The following NXNL2 variants were observed in gnomAD, a reference collection of about 807,000 sequenced individuals.
The protein encoded by NXNL2 is nucleoredoxin like 2, also known as nucleoredoxin-like protein 2.
A neutral mutation model predicts 11.1 loss-of-function variants in NXNL2; 7 were observed. The observed-to-expected ratio is 0.63, with a 90% confidence interval of 0.36 to 1.18. The LOEUF (loss-of-function observed/expected upper bound fraction) is 1.18. Ranked by LOEUF, NXNL2 falls within the 50% of genes most tolerant of loss-of-function variation. The probability of loss-of-function intolerance (pLI) is 0.02; values close to 1 mark genes in which losing one functional copy is unlikely to be tolerated. For synonymous variants in NXNL2, 109 were observed against 101.8 expected, an observed-to-expected ratio of 1.07 and a Z score of -0.42; for missense variants, 233 against 217.7, an observed-to-expected ratio of 1.07 and a Z score of -0.44.
At chr9:88,577,307 G>GT (rs944680050), downstream of NXNL2, among the ~76,000 whole-genome samples, 6 of 151,792 alleles carry the variant, frequency 4.0e-5, 1 homozygote, top group African/African-American at 1.2e-4. Flanking sequence ...GGGCGGGGGG[G>GT]GCGGCATGAG....
chr9:88,539,026 C>G (rs1006695608), intron 1 of NXNL2, among the ~76,000 whole-genome samples: 2 of 152,190 alleles, frequency 1.3e-5, no homozygotes, highest in African/African-American at 4.8e-5. Flanking sequence ...CCCGTGCTGT[C>G]AGGGGCACCA....
At chr9:88,539,919 G>T (rs1829713049) in intron 1 of NXNL2, 1 of 152,142 alleles carries the variant, frequency 6.6e-6, no homozygotes, top group Non-Finnish European at 1.5e-5. Flanking sequence ...CTGACCTCAG[G>T]TGATGCACCC....
downstream of NXNL2, among the ~76,000 whole-genome samples, chr9:88,579,735 C>T (rs28485498): frequency 1.7e-4 from 26 of 152,096 alleles, no homozygotes; most frequent in Middle Eastern, 3.2e-3. Flanking sequence ...AATGAAAACC[C>T]GGGGTGAGAG....
rs754269531 is a variant in NXNL2 at position 88,544,520 on chromosome 9, C to T, written c.444C>T (p.Ala148=). The T allele has an allele frequency of 3.4e-5, 53 of 1,544,066 alleles. No individual in the cohort carries two copies. The highest frequency in any genetic ancestry group is 4.3e-5 in the Non-Finnish European group (49 of 1,143,110). The change falls in exon 2 of 2, where the codon GCC becomes GCT. Residue 148 remains alanine (A), a synonymous_variant. Transcript: ENST00000375854. ...GCTTCCAGGACTGGGTGGAGGCGGC[C>T]GATATCTTCCAGAATTTCTCCGTTT... ...LACFQDWVEA[A]DIFQNFSV
Position 88,535,178 on chromosome 9 carries a change from A to G in NXNL2, c.-257A>G, listed in dbSNP as rs199850250. ...AGGTTGCCTGGCTGGCCCCGCTCCCAGAGGCGGGTGCCGCGCTGTCGCCCA... is the reference window on the plus strand; with the variant it reads ...AGGTTGCCTGGCTGGCCCCGCTCCCGGAGGCGGGTGCCGCGCTGTCGCCCA... On this transcript the variant is annotated 5_prime_UTR_variant, in exon 1 of 2. Coordinates refer to ENST00000375854, the MANE Select transcript of NXNL2 (RefSeq NM_001161625.2). The G allele has an allele frequency of 6.8e-4, 356 of 519,960 alleles. 2 individuals carry two copies. The highest frequency in any genetic ancestry group is 6.7e-3 in the African/African-American group (331 of 49,268). The allele number at this position is 519,960 out of a possible 1,614,324, so 32.2% of individuals were successfully genotyped here.
At chr9:88,561,305 C>T (rs1830082378) in intron 1 of NXNL2, among the ~76,000 whole-genome samples, 1 of 152,158 alleles carries the variant, frequency 6.6e-6, no homozygotes, top group African/African-American at 2.4e-5. Flanking sequence ...AGTTTAGGGA[C>T]CCGGACTGGC....
rs200212505 is a variant in NXNL2 at position 88,571,087 on chromosome 9, AC to A, written c.304del (p.Arg102GlyfsTer14). The A allele has an allele frequency of 2.7e-3, 1,117 of 413,338 alleles. 14 individuals are homozygous for A. The highest frequency in any genetic ancestry group is 1.9e-3 in the Non-Finnish European group (396 of 213,378). The allele number at this position is 413,338 out of a possible 1,614,324, so 25.6% of individuals were successfully genotyped here. Reference sequence around the variant, plus strand: ...CTTTCTTTTCTTTTTTTTTTTTCAGACGGAGTCTCGCTCTGTTGCCCAGGCT... The same window carrying A: ...CTTTCTTTTCTTTTTTTTTTTTCAGAGGAGTCTCGCTCTGTTGCCCAGGCT... On this transcript the variant is annotated frameshift_variant and splice_region_variant, in exon 2 of 3. Transcript: ENST00000375855. LOFTEE classifies it high-confidence loss of function.
intron 1 of NXNL2, among the ~76,000 whole-genome samples, chr9:88,565,473 C>A (rs58447161): frequency 0.033 from 5,017 of 152,248 alleles, 303 homozygotes; most frequent in African/African-American, 0.11. Flanking sequence ...TTTTGCATTG[C>A]CACCAACTGG....
At chr9:88,567,335 C>T (rs1830191146) in intron 1 of NXNL2, among the ~76,000 whole-genome samples, 1 of 152,126 alleles carries the variant, frequency 6.6e-6, no homozygotes, top group African/African-American at 2.4e-5. Flanking sequence ...GACAGGGTTT[C>T]ACCATGTTGG....
At chr9:88,538,554 G>A (rs1316555337) in intron 1 of NXNL2, among the ~76,000 whole-genome samples, 3 of 152,150 alleles carry the variant, frequency 2.0e-5, no homozygotes, top group East Asian at 1.9e-4. Flanking sequence ...GTCTCCTCAC[G>A]GTGGCAGAAT....
downstream of NXNL2, among the ~76,000 whole-genome samples, chr9:88,576,558 G>A (rs576172451): frequency 6.6e-6 from 1 of 152,306 alleles, no homozygotes; most frequent in East Asian, 1.9e-4. Flanking sequence ...CAGGTGACAA[G>A]GGAGACATGT....
Position 88,544,710 on chromosome 9 carries a change from T to TA in NXNL2, c.*165dup. 7.1e-7 allele frequency: 1 copy of TA among 1,402,198 alleles called. No homozygotes were observed. The highest frequency in any genetic ancestry group is 9.2e-7 in the Non-Finnish European group (1 of 1,081,712). The allele number at this position is 1,402,198 out of a possible 1,614,324, so 86.9% of individuals were successfully genotyped here. A position where few individuals can be genotyped will look rare whatever the true frequency, so the allele number is the denominator to read the frequency against. On this transcript the variant is annotated 3_prime_UTR_variant, in exon 2 of 2. Transcript: ENST00000375854. ...CAAAAAGCAACTATTGCTCAGGAAA[T>TA]AATACACTCCATATTTTGATCATGC...
At chr9:88,581,901 G>A (rs1422372077) in intron 1 of NXNL2, among the ~76,000 whole-genome samples, 1 of 152,184 alleles carries the variant, frequency 6.6e-6, no homozygotes, top group Non-Finnish European at 1.5e-5. Context: ...TTTTCAAGGT[G>A]AGCCTAACCA....
chr9:88,542,212 G>T (rs1398656313), intron 1 of NXNL2, among the ~76,000 whole-genome samples: 1 of 151,674 alleles, frequency 6.6e-6, no homozygotes, highest in African/African-American at 2.4e-5. Context: ...CAGCCTGGGC[G>T]ACAGAGCAAG....
chr9:88,544,090 G>T (rs1829811716), intron 1 of NXNL2, among the ~76,000 whole-genome samples: 1 of 152,218 alleles, frequency 6.6e-6, no homozygotes, highest in African/African-American at 2.4e-5. Flanking sequence ...AGAATCGCTT[G>T]AACGTGGGAG....
chr9:88,563,124 C>T (rs1207166101), intron 1 of NXNL2, among the ~76,000 whole-genome samples: 1 of 152,068 alleles, frequency 6.6e-6, no homozygotes, highest in East Asian at 1.9e-4. Context: ...AGACTGAGGG[C>T]TTACCACATA....
chr9:88,578,390 T>C (rs574316867), downstream of NXNL2, among the ~76,000 whole-genome samples: 1 of 152,358 alleles, frequency 6.6e-6, no homozygotes, highest in East Asian at 1.9e-4. Flanking sequence ...GACAAATGTG[T>C]GAATTTGGAT....
intron 1 of NXNL2, among the ~76,000 whole-genome samples, chr9:88,560,751 A>G (rs13291785): frequency 0.19 from 28,157 of 151,952 alleles, 4,066 homozygotes; most frequent in East Asian, 0.78. Context: ...TCTAAAAAAA[A>G]GAAAGACAAT....
intron 1 of NXNL2, among the ~76,000 whole-genome samples, chr9:88,536,187 G>A (rs373269405): frequency 2.1e-4 from 32 of 152,290 alleles, no homozygotes; most frequent in African/African-American, 7.7e-4. Context: ...GTCTGGATGC[G>A]GGGATGAGGG....
Sources: allele counts gnomAD v4.1 joint callset (sites outside exome capture counted in the v4.1 genomes callset), GRCh38; gene constraint gnomAD v4.1.1; transcripts MANE v1.5; gene names NCBI Gene and HGNC (gene_info 2026-07-23, HGNC 2026-07-21).